Variants in ZNF804B observed in about 807,000 individuals in gnomAD.
The protein encoded by ZNF804B is zinc finger 804B.
Under a neutral mutation model 101.4 loss-of-function variants are expected in ZNF804B, and 80 were observed. That is an observed-to-expected ratio of 0.79 (90% CI 0.66 to 0.95). The LOEUF is 0.95. Among genes scored for constraint, ZNF804B ranks in the 40% least tolerant of loss-of-function variants. ZNF804B has a pLI of 0.00. For synonymous variants in ZNF804B, 622 were observed against 558.8 expected (o/e 1.11, Z -1.59); for missense variants, 1,673 against 1,561.9 (o/e 1.07, Z -1.20).
intron 1 of ZNF804B, among the ~76,000 whole-genome samples, chr7:89,120,428 C>T (rs1790384530): frequency 6.6e-6 from 1 of 152,022 alleles, no homozygotes; most frequent in African/African-American, 2.4e-5. Flanking sequence ...GAGGCCGAGG[C>T]GGGCAGATCA....
intron 1 of ZNF804B, among the ~76,000 whole-genome samples, chr7:88,887,120 C>T (rs187021422): frequency 2.6e-3 from 398 of 152,116 alleles, no homozygotes; most frequent in African/African-American, 9.1e-3. Flanking sequence ...GACAAGATTG[C>T]GGAGACAAGG....
chr7:89,056,647 A>G (rs1484492437), intron 1 of ZNF804B, among the ~76,000 whole-genome samples: 1 of 152,158 alleles, frequency 6.6e-6, no homozygotes, highest in Non-Finnish European at 1.5e-5. Flanking sequence ...AATAGTCAAC[A>G]TAATACTTTT....
intron 1 of ZNF804B, among the ~76,000 whole-genome samples, chr7:89,051,490 C>T (rs1789203836): frequency 6.6e-6 from 1 of 152,110 alleles, no homozygotes; most frequent in Admixed American, 6.5e-5. Context: ...TTACTGGATT[C>T]AAAAGCCCAA....
In ZNF804B at chr7:89,334,888, A is replaced by G. The variant is rs1791050953; in HGVS notation, c.1906A>G (p.Lys636Glu). Residue 636 changes from lysine to glutamate, a missense_variant, in exon 4 of 4, where the codon AAG (lysine) becomes GAG (glutamate). Coordinates refer to ENST00000333190, the MANE Select transcript of ZNF804B (RefSeq NM_181646.5). ...TCCTTCCTACATCTCTAGGTTTAAA[A>G]AGCATAAATTGATTCCCTGCAGTCC... ...SFPSYISRFK[K>E]HKLIPCSPHL... is the part of the protein sequence containing the mutation. 6 of 1,613,836 alleles carry G rather than the reference A, an allele frequency of 3.7e-6. No homozygotes were observed. Among genetic ancestry groups the G allele is most frequent in the African/African-American group, 1.3e-5 (1 of 75,030 alleles).
chr7:89,336,669 C>G lies in ZNF804B; in HGVS notation c.3687C>G (p.His1229Gln). Reference sequence around the variant, plus strand: ...CTTCCTTAAGTTCTCATAGCAGTCACCTCCCTATTGCTCATCTACATCCTC... The same window carrying G: ...CTTCCTTAAGTTCTCATAGCAGTCAGCTCCCTATTGCTCATCTACATCCTC... Reference protein sequence around the residue: ...VSASLSSHSSHLPIAHLHPLS... With the variant: ...VSASLSSHSSQLPIAHLHPLS... The change falls in exon 4 of 4, where the codon CAC becomes CAG. Residue 1229 changes from histidine (H) to glutamine (Q), a missense_variant. His to Gln is a conservative substitution (Grantham distance 24). Coordinates refer to ENST00000333190, the MANE Select transcript of ZNF804B (RefSeq NM_181646.5). The G allele has an allele frequency of 6.2e-7, 1 of 1,614,106 alleles. No homozygotes were observed. Among genetic ancestry groups the G allele is most frequent in the Non-Finnish European group, 8.5e-7 (1 of 1,180,004 alleles).
At chr7:89,243,513 C>T (rs1789399525) in intron 2 of ZNF804B, among the ~76,000 whole-genome samples, 2 of 151,766 alleles carry the variant, frequency 1.3e-5, no homozygotes, top group South Asian at 4.1e-4. Context: ...TATACTTATA[C>T]TCAAAAATAA....
intron 1 of ZNF804B, among the ~76,000 whole-genome samples, chr7:88,764,373 T>C (rs992325484): frequency 6.6e-6 from 1 of 152,164 alleles, no homozygotes; most frequent in Non-Finnish European, 1.5e-5. Flanking sequence ...GCCTATTGTC[T>C]TAATGCATTG....
At chr7:89,132,026 A>C (rs1352016037) in intron 1 of ZNF804B, among the ~76,000 whole-genome samples, 1 of 152,040 alleles carries the variant, frequency 6.6e-6, no homozygotes, top group Non-Finnish European at 1.5e-5. Context: ...TGCATATAAC[A>C]ATCTCCACTT....
rs565713914 is a variant in ZNF804B at position 89,106,008 on chromosome 7, C to T, written c.109-112147C>T. On this transcript the variant is annotated intron_variant, in intron 1 of 3. Transcript: ENST00000333190. ...CAAGAAGAGTCATGGAGCTTCCATG[C>T]TTCCTCAGGTACAACACCCTCTAGG... is the stretch of plus-strand genomic sequence containing the variant. 2.6e-5 allele frequency among the ~76,000 whole-genome samples: 4 copies of T among 152,252 alleles called. No homozygotes were observed. The East Asian group carries it at 5.8e-4, about 22-fold the overall frequency.
chr7:88,866,892 C>T, intron 1 of ZNF804B, among the ~76,000 whole-genome samples: 1 of 152,124 alleles, frequency 6.6e-6, no homozygotes, highest in East Asian at 1.9e-4. Flanking sequence ...GATAATGACC[C>T]TAGAATTGAT....
intron 1 of ZNF804B, among the ~76,000 whole-genome samples, chr7:89,037,512 C>T (rs1788946143): frequency 6.6e-6 from 1 of 150,866 alleles, no homozygotes; most frequent in African/African-American, 2.4e-5. Flanking sequence ...CCTTATTGAC[C>T]TATAATTGAC....
At chr7:88,817,766 A>G (rs1306570554) in intron 1 of ZNF804B, among the ~76,000 whole-genome samples, 1 of 152,226 alleles carries the variant, frequency 6.6e-6, no homozygotes, top group Non-Finnish European at 1.5e-5. Flanking sequence ...ACATTTTTAA[A>G]GAGGAGAAAA....
chr7:88,794,612 G>T (rs756967541), intron 1 of ZNF804B: 1 of 1,613,522 alleles, frequency 6.2e-7, no homozygotes, highest in Non-Finnish European at 8.5e-7. Flanking sequence ...TAATCTAAAA[G>T]AACTTTGTAG....
intron 1 of ZNF804B, among the ~76,000 whole-genome samples, chr7:88,815,167 T>C (rs539902461): frequency 6.8e-6 from 1 of 147,988 alleles, no homozygotes; most frequent in East Asian, 1.9e-4. Flanking sequence ...CTAAATGTTA[T>C]ATATAATAAA....
chr7:89,292,150 G>A (rs892980159), intron 2 of ZNF804B, among the ~76,000 whole-genome samples: 1 of 141,906 alleles, frequency 7.0e-6, no homozygotes, highest in Non-Finnish European at 1.6e-5. Context: ...AAATAATAAA[G>A]GAACTTTTTC....
At chr7:88,978,816 C>T (rs1793654911) in intron 1 of ZNF804B, among the ~76,000 whole-genome samples, 1 of 148,228 alleles carries the variant, frequency 6.7e-6, no homozygotes, top group Admixed American at 6.8e-5. Flanking sequence ...CCCTCCCTCC[C>T]TCCCTCCTTC....
At chr7:89,013,103 A>T (rs564590193) in intron 1 of ZNF804B, among the ~76,000 whole-genome samples, 2 of 152,132 alleles carry the variant, frequency 1.3e-5, no homozygotes, top group Non-Finnish European at 2.9e-5. Context: ...CCAAGATCCA[A>T]TTACCTCCAC....
At chr7:88,868,046 TGA>T (rs1171941474) in intron 1 of ZNF804B, among the ~76,000 whole-genome samples, 18 of 120,006 alleles carry the variant, frequency 1.5e-4, no homozygotes, top group Admixed American at 1.3e-3. Flanking sequence ...TGTGTGTGTG[TGA>T]GTGTGTGTGT....
chr7:89,092,761 T>C (rs1176273105), intron 1 of ZNF804B, among the ~76,000 whole-genome samples: 3 of 152,164 alleles, frequency 2.0e-5, no homozygotes, highest in Admixed American at 2.0e-4. Flanking sequence ...TTTGACATAT[T>C]CCCATTATTG....
Sources: gnomAD v4.1 joint callset for allele counts (sites outside exome capture counted in the v4.1 genomes callset) on GRCh38, gnomAD v4.1.1 for gene constraint, MANE v1.5 for transcripts, NCBI Gene and HGNC (gene_info 2026-07-23, HGNC 2026-07-21) for gene names.